Variants in SGK2 observed in about 807,000 individuals in gnomAD.
SGK2 encodes serine/threonine-protein kinase Sgk2.
Under a neutral mutation model 47.5 loss-of-function variants are expected in SGK2, and 36 were observed. The observed-to-expected ratio is 0.76, with a 90% confidence interval of 0.58 to 1.00. The LOEUF is 1.00. Among genes scored for constraint, SGK2 ranks in the 50% least tolerant of loss-of-function variants. SGK2 has a pLI of 0.00. For missense variants in SGK2, 404 were observed against 467.4 expected, an observed-to-expected ratio of 0.86 and a Z score of 1.25; for synonymous variants, 157 against 181.9, an observed-to-expected ratio of 0.86 and a Z score of 1.10.
intron 12 of SGK2, among the ~76,000 whole-genome samples, chr20:43,580,910 CTG>C (rs1980755695): frequency 6.6e-6 from 1 of 151,450 alleles, no homozygotes; most frequent in South Asian, 2.1e-4. Flanking sequence ...GAGTCTCACT[CTG>C]TTGCCCAGGC....
In SGK2 at chr20:43,572,957, G is replaced by A. The variant is rs777610337; in HGVS notation, c.597+820G>A. On this transcript the variant is annotated intron_variant, in intron 9 of 12. Coordinates refer to ENST00000373100, the MANE Select transcript of SGK2 (RefSeq NM_170693.3). The surrounding 1 kb of genome is among the most constrained non-coding windows in gnomAD (Gnocchi z 4.2). ...TGGAGCAGCCACATTTGAAGTGTTC[G>A]ATAGCCACGTGCAGCCAGTGGCTGC... Among the ~76,000 whole-genome samples, 5 of 151,910 alleles carry A rather than the reference G, an allele frequency of 3.3e-5. No individual in the cohort carries two copies. The highest frequency in any genetic ancestry group is 2.1e-4 in the South Asian group (1 of 4,828).
intron 10 of SGK2, among the ~76,000 whole-genome samples, chr20:43,575,818 C>T (rs1980428571): frequency 6.6e-6 from 1 of 152,034 alleles, no homozygotes. Flanking sequence ...AGAAGGGGAC[C>T]CTGGATATGG....
intron 5 of SGK2, 130 bp downstream of exon 5, chr20:43,568,129 A>G: frequency 1.5e-6 from 1 of 686,400 alleles, no homozygotes; most frequent in Non-Finnish European, 2.5e-6. Context: ...AACAAAGGGT[A>G]GAGGGGAGGT....
At chr20:43,568,891 A>G (rs534435768) in intron 5 of SGK2, among the ~76,000 whole-genome samples, 2 of 152,252 alleles carry the variant, frequency 1.3e-5, no homozygotes, top group South Asian at 4.2e-4. Context: ...CAGAGAAAAG[A>G]GAGATTAATG....
chr20:43,565,975 A>G (rs918389714), intron 1 of SGK2: 6 of 197,740 alleles, frequency 3.0e-5, no homozygotes, highest in Non-Finnish European at 6.1e-5. Context: ...TGCGCACAGT[A>G]ATTCAGGGTT....
chr20:43,578,476 G>T (rs1218638849), intron 11 of SGK2, among the ~76,000 whole-genome samples: 1 of 151,904 alleles, frequency 6.6e-6, no homozygotes, highest in Non-Finnish European at 1.5e-5. Context: ...GCAACAGAGT[G>T]AGACTCTATC....
chr20:43,576,995 A>G lies in SGK2; in HGVS notation c.849+616A>G, dbSNP rs571577838. On this transcript the variant is annotated intron_variant, in intron 11 of 12. Transcript: ENST00000373100. ...TTGGGGGCAGGCAAAAAACCCAAAC[A>G]TTATATACAATTATCACAAGGTATG... Among the ~76,000 whole-genome samples the G allele has an allele frequency of 4.7e-3, 722 of 152,358 alleles. 3 individuals carry two copies. The highest frequency in any genetic ancestry group is 0.012 in the South Asian group (57 of 4,828).
chr20:43,576,357 G>A lies in SGK2; in HGVS notation c.827G>A (p.Arg276Gln), dbSNP rs755045211. 1.5e-5 allele frequency: 25 copies of A among 1,614,026 alleles called. No individual in the cohort carries two copies. Among genetic ancestry groups the A allele is most frequent in the South Asian group, 1.3e-4 (12 of 91,076 alleles). The change falls in exon 11 of 13, where the codon CGG becomes CAG. Residue 276 changes from arginine to glutamine, a missense_variant. Arg to Gln is a conservative substitution (Grantham distance 43, BLOSUM62 1). Coordinates refer to ENST00000373100, the MANE Select transcript of SGK2 (RefSeq NM_170693.3). Reference sequence around the variant, plus strand: ...CTTCTCCACAAGGACCAGAGGCAGCGGCTGGGCTCCAAAGCAGACTTTGTA... The same window carrying A: ...CTTCTCCACAAGGACCAGAGGCAGCAGCTGGGCTCCAAAGCAGACTTTGTA... ...QSLLHKDQRQ[R>Q]LGSKADFLEI...
intron 1 of SGK2, among the ~76,000 whole-genome samples, chr20:43,562,289 G>A (rs998377927): frequency 3.3e-5 from 5 of 151,484 alleles, no homozygotes; most frequent in Non-Finnish European, 7.4e-5. Flanking sequence ...CTGGTGGTGT[G>A]TGTCTATAGT....
intron 1 of SGK2, among the ~76,000 whole-genome samples, chr20:43,564,107 G>A (rs1979539198): frequency 1.3e-5 from 2 of 152,232 alleles, no homozygotes; most frequent in Admixed American, 1.3e-4. Context: ...CGGGATCCTG[G>A]GGAGAGGAAG....
intron 2 of SGK2, 86 bp downstream of exon 2, chr20:43,566,617 G>C: frequency 5.5e-6 from 5 of 910,710 alleles, no homozygotes; most frequent in Non-Finnish European, 8.6e-6. Context: ...GACAATGTCA[G>C]GGGCTGAGAG....
intron 4 of SGK2, 82 bp from the exon 5 acceptor site, chr20:43,567,834 G>A: frequency 1.3e-6 from 2 of 1,552,880 alleles, no homozygotes. Context: ...GCAGACAAAA[G>A]CAGGGGCAGG....
chr20:43,570,636 G>C lies in SGK2; in HGVS notation c.380G>C (p.Arg127Pro). The change falls in exon 7 of 13, where the codon CGG becomes CCG. Residue 127 changes from arginine (R) to proline (P), a missense_variant. Physicochemically the swap from Arg to Pro is moderately radical, Grantham distance 103. Coordinates refer to ENST00000373100, the MANE Select transcript of SGK2 (RefSeq NM_170693.3). ...CTCCAGCTCTTCTTCCACCTGCAGC[G>C]GGAGCGCCGGTTCCTGGAGCCCCGG... Reference protein sequence around the residue: ...NGGELFFHLQRERRFLEPRAR... With the variant: ...NGGELFFHLQPERRFLEPRAR... The C allele has an allele frequency of 6.2e-7, 1 of 1,609,476 alleles. No homozygotes were observed. Among genetic ancestry groups the C allele is most frequent in the Non-Finnish European group, 8.5e-7 (1 of 1,176,950 alleles).
At chr20:43,577,421 A>T (rs6065628) in intron 11 of SGK2, among the ~76,000 whole-genome samples, 1 of 148,056 alleles carries the variant, frequency 6.8e-6, no homozygotes, top group African/African-American at 2.5e-5. Flanking sequence ...GTGCAATCTC[A>T]TCTCACTGCA....
chr20:43,560,889 T>G (rs191035902), intron 1 of SGK2, among the ~76,000 whole-genome samples: 2 of 152,326 alleles, frequency 1.3e-5, no homozygotes, highest in East Asian at 3.9e-4. Flanking sequence ...GTATTTGCCC[T>G]CCTGGAGCTG....
At chr20:43,583,140 A>G in intron 12 of SGK2, 1 of 1,245,252 alleles carries the variant, frequency 8.0e-7, no homozygotes, top group Non-Finnish European at 1.0e-6. Flanking sequence ...CATTTGTTTA[A>G]TTACCTATTC....
At chr20:43,577,464 G>C (rs1481911178) in intron 11 of SGK2, among the ~76,000 whole-genome samples, 1 of 148,432 alleles carries the variant, frequency 6.7e-6, no homozygotes, top group Non-Finnish European at 1.5e-5. Context: ...CGATTCTCCT[G>C]CCTCAGCCTC....
intron 12 of SGK2, 139 bp from the exon 13 acceptor site, chr20:43,584,713 C>T: frequency 1.5e-6 from 1 of 681,450 alleles, no homozygotes; most frequent in Non-Finnish European, 2.6e-6. Context: ...TGTAAATGCA[C>T]AGGAAAGTGA....
At chr20:43,577,071 A>G (rs898943141) in intron 11 of SGK2, among the ~76,000 whole-genome samples, 2 of 152,072 alleles carry the variant, frequency 1.3e-5, no homozygotes, top group Admixed American at 1.3e-4. Flanking sequence ...CAATAATGGG[A>G]GGGGGGGCAA....
Sources: allele counts gnomAD v4.1 joint callset (sites outside exome capture counted in the v4.1 genomes callset), GRCh38; gene constraint gnomAD v4.1.1; non-coding constraint Gnocchi (gnomAD v3.1); transcripts MANE v1.5; gene names NCBI Gene and HGNC (gene_info 2026-07-23, HGNC 2026-07-21).